SCN2A: variants seen among roughly 807,000 people sequenced by gnomAD.
SCN2A encodes the protein sodium channel protein type 2 subunit alpha.
In SCN2A, 20 loss-of-function variants were observed where a neutral mutation model predicts 188.7. The observed-to-expected ratio is 0.11, with a 90% CI of 0.07 to 0.15. SCN2A has a LOEUF of 0.15. Ranked by LOEUF, SCN2A falls within the 10% of genes least tolerant of loss-of-function variation. SCN2A has a pLI of 1.00. For synonymous variants in SCN2A, 804 were observed against 833.1 expected (o/e 0.97, Z 0.60); for missense variants, 1,278 against 2,445.0 (o/e 0.52, Z 10.07).
At chr2:165,384,139 G>A (rs1701743286) in intron 25 of SCN2A, among the ~76,000 whole-genome samples, 1 of 151,966 alleles carries the variant, frequency 6.6e-6, no homozygotes, top group South Asian at 2.1e-4. Context: ...TGAATTTGGA[G>A]TAATATATGA....
At chr2:165,294,118 G>A in intron 1 of SCN2A, 1 of 980,304 alleles carries the variant, frequency 1.0e-6, no homozygotes, top group Middle Eastern at 5.3e-4. Flanking sequence ...AACTCTGGGT[G>A]TAAAAGATTC....
chr2:165,343,055 A>G lies in SCN2A; in HGVS notation c.2562+586A>G, dbSNP rs573685292. On this transcript the variant is annotated intron_variant, in intron 15 of 26. Transcript: ENST00000375437. ...AAAGTATCTTTCTTTGATCTTTTAT[A>G]AAAACTATTAGATCTTAAAATTCAG... Among the ~76,000 whole-genome samples, 9 of 152,328 alleles carry G rather than the reference A, an allele frequency of 5.9e-5. No homozygotes were observed. The East Asian group carries it at 1.7e-3, about 29-fold the overall frequency.
intron 3 of SCN2A, among the ~76,000 whole-genome samples, chr2:165,304,646 T>C (rs1697018193): frequency 1.3e-5 from 2 of 152,162 alleles, no homozygotes; most frequent in African/African-American, 4.8e-5. Context: ...TGCTGGGGTA[T>C]ATAACTGGTA....
rs868317271 is a variant in SCN2A, at chr2:165,291,368, C to G, written c.-51-4405C>G. On this transcript the variant is annotated intron_variant, in intron 1 of 26. Transcript: ENST00000375437. Reference sequence around the variant, plus strand: ...CTGTCGTTCGTTCCTTCCTTCCTTCCTTCCTTCCTTCCTTCCTTCCTTCCT... The same window carrying G: ...CTGTCGTTCGTTCCTTCCTTCCTTCGTTCCTTCCTTCCTTCCTTCCTTCCT... 2.4e-3 allele frequency among the ~76,000 whole-genome samples: 229 copies of G among 93,572 alleles called. 1 individual carries two copies. In the Middle Eastern group the frequency reaches 0.025, roughly 10 times the overall value. 61.4% of individuals were successfully genotyped at this position (93,572 alleles called of 152,430 possible).
chr2:165,342,795 C>A (rs567674881), intron 15 of SCN2A, among the ~76,000 whole-genome samples: 1 of 152,146 alleles, frequency 6.6e-6, no homozygotes. Flanking sequence ...TGCATAACTG[C>A]GTACAAAGCT....
rs750049844 is a variant in SCN2A at position 165,323,195 on chromosome 2, C to T, written c.1711C>T (p.Arg571Cys). 24 of 1,614,068 alleles carry T rather than the reference C, an allele frequency of 1.5e-5. No individual in the cohort carries two copies. Among genetic ancestry groups the T allele is most frequent in the East Asian group, 6.7e-5 (3 of 44,894 alleles). The change falls in exon 12 of 27, where the codon CGC becomes TGC. Residue 571 changes from arginine to cysteine, a missense_variant. This residue lies in a region of SCN2A where 315 missense variants were observed against 386.6 expected (regional missense o/e 0.81). Coordinates refer to ENST00000375437, the MANE Select transcript of SCN2A (RefSeq NM_001040142.2). ...SIRGSLFSPRRNSRASLFSFR... is the reference protein window; with the variant it reads ...SIRGSLFSPRCNSRASLFSFR... ...CCGTGGCTCCCTTTTCTCTCCAAGACGCAACAGTAGGGCGAGCCTTTTCAG... is the reference window on the plus strand; with the variant it reads ...CCGTGGCTCCCTTTTCTCTCCAAGATGCAACAGTAGGGCGAGCCTTTTCAG...
chr2:165,290,924 G>T (rs1285902552), intron 1 of SCN2A: 8 of 256,998 alleles, frequency 3.1e-5, no homozygotes, highest in Non-Finnish European at 4.9e-5. Context: ...ACTAGAGCAC[G>T]CACTTGTTTG....
At chr2:165,296,130 A>T in intron 2 of SCN2A, 40 bp downstream of exon 2, 3 of 1,593,820 alleles carry the variant, frequency 1.9e-6, no homozygotes, top group Non-Finnish European at 2.6e-6. Context: ...CCTATTTACT[A>T]ATTGGTTCTG....
At chr2:165,338,319 G>C (rs561985425) in intron 14 of SCN2A, among the ~76,000 whole-genome samples, 2 of 148,176 alleles carry the variant, frequency 1.3e-5, no homozygotes, top group South Asian at 2.1e-4. Flanking sequence ...GAGTGCAGTG[G>C]TGCGATCTCG....
intron 1 of SCN2A, among the ~76,000 whole-genome samples, chr2:165,276,699 T>C (rs1028167319): frequency 6.6e-6 from 1 of 152,200 alleles, no homozygotes; most frequent in Non-Finnish European, 1.5e-5. Flanking sequence ...GTACCACATA[T>C]TTATGAAGAC....
chr2:165,386,261 T>C (rs1288622032), intron 25 of SCN2A, among the ~76,000 whole-genome samples: 1 of 151,790 alleles, frequency 6.6e-6, no homozygotes, highest in African/African-American at 2.4e-5. Context: ...GTCAGGAGTT[T>C]GAGACCAGCC....
Position 165,370,313 on chromosome 2 carries a change from AC to A in SCN2A, c.3849+15del, listed in dbSNP as rs757734639. 12 of 1,613,946 alleles carry A rather than the reference AC, an allele frequency of 7.4e-6. No homozygotes were observed. The South Asian group carries it at 1.2e-4, about 16-fold the overall frequency. The stretch of plus-strand genomic sequence containing the variant: ...CTGATTGTTGATGTGAGTATGCTGC[AC>A]TTTGCTGCTTTATTCATTGGCATAT... On this transcript the variant is annotated intron_variant, in intron 20 of 26. Coordinates refer to ENST00000375437, the MANE Select transcript of SCN2A (RefSeq NM_001040142.2).
chr2:165,358,560 A>G (rs968630762), intron 17 of SCN2A, among the ~76,000 whole-genome samples: 5 of 152,130 alleles, frequency 3.3e-5, no homozygotes, highest in Admixed American at 2.6e-4. Context: ...TTAGACTGAA[A>G]GAAAAGGAAA....
chr2:165,309,091 A>AATT, intron 5 of SCN2A: 9 of 1,497,380 alleles, frequency 6.0e-6, no homozygotes, highest in Non-Finnish European at 8.3e-6. Context: ...CATGAAATTA[A>AATT]AAAGGTCTTG....
intron 23 of SCN2A, 95 bp downstream of exon 23, chr2:165,377,745 T>C: frequency 2.0e-6 from 2 of 1,023,382 alleles, no homozygotes; most frequent in Non-Finnish European, 2.9e-6. Flanking sequence ...TAAAATTATG[T>C]GCTTAATTTA....
chr2:165,308,849 T>G, intron 5 of SCN2A, 55 bp downstream of exon 5: 2 of 1,604,578 alleles, frequency 1.2e-6, no homozygotes, highest in Non-Finnish European at 1.7e-6. Flanking sequence ...GGTGGGAGCC[T>G]ATACTATATT....
chr2:165,276,570 T>C (rs1695353709), intron 1 of SCN2A, among the ~76,000 whole-genome samples: 1 of 152,212 alleles, frequency 6.6e-6, no homozygotes. Context: ...AAAATTTGAT[T>C]AGTTGTATTT....
intron 22 of SCN2A, among the ~76,000 whole-genome samples, chr2:165,376,052 T>C (rs1447775399): frequency 6.6e-6 from 1 of 151,724 alleles, no homozygotes; most frequent in Non-Finnish European, 1.5e-5. Context: ...GGCTGGGGGA[T>C]GATGGGAGAT....
chr2:165,243,120 C>T (rs1005238586), intron 1 of SCN2A, among the ~76,000 whole-genome samples: 7 of 152,196 alleles, frequency 4.6e-5, no homozygotes, highest in African/African-American at 1.7e-4. Context: ...ATTTCTTATT[C>T]ATAACCACCT....
Sources: gnomAD v4.1 joint callset for allele counts (sites outside exome capture counted in the v4.1 genomes callset) on GRCh38, gnomAD v4.1.1 for gene constraint, gnomAD v4.1.1 regional missense constraint, MANE v1.5 for transcripts, NCBI Gene and HGNC (gene_info 2026-07-23, HGNC 2026-07-21) for gene names.